NUDT3: variants seen among roughly 807,000 people sequenced by gnomAD.
NUDT3 encodes nudix hydrolase 3.
A neutral mutation model predicts 23.6 loss-of-function variants in NUDT3; 9 were observed. The ratio of observed to expected loss-of-function variants is 0.38; its 90% CI spans 0.23 to 0.66. The LOEUF is 0.66. NUDT3 is among the 30% of genes least tolerant of loss of function. The pLI, the probability that NUDT3 is intolerant of heterozygous loss-of-function variation, is 0.52. For missense variants in NUDT3, 172 were observed against 218.5 expected (o/e 0.79, Z 1.34); for synonymous variants, 86 against 82.6 (o/e 1.04, Z -0.22).
intron 1 of NUDT3, among the ~76,000 whole-genome samples, chr6:34,365,918 G>A (rs575405876): frequency 4.5e-4 from 69 of 152,250 alleles, no homozygotes; most frequent in South Asian, 1.2e-3. Context: ...GCGCAAGCCT[G>A]TAATCCCAGC....
At chr6:34,318,104 T>C (rs1445354757) in intron 2 of NUDT3, among the ~76,000 whole-genome samples, 1 of 152,218 alleles carries the variant, frequency 6.6e-6, no homozygotes, top group Non-Finnish European at 1.5e-5. Flanking sequence ...TGCTTTCATT[T>C]CCTTGTACCC....
chr6:34,334,979 AAG>A (rs907927112), intron 2 of NUDT3, among the ~76,000 whole-genome samples: 12 of 151,992 alleles, frequency 7.9e-5, no homozygotes, highest in African/African-American at 2.9e-4. Context: ...GAGAGAAAGA[AAG>A]AGAGAGAAGA....
chr6:34,381,144 G>C (rs1257828639), intron 1 of NUDT3, among the ~76,000 whole-genome samples: 1 of 152,092 alleles, frequency 6.6e-6, no homozygotes, highest in East Asian at 1.9e-4. Flanking sequence ...AGCCTCCCAA[G>C]TAGCTAGGAC....
chr6:34,327,025 C>CG (rs960815951), intron 2 of NUDT3, among the ~76,000 whole-genome samples: 4 of 151,504 alleles, frequency 2.6e-5, no homozygotes, highest in Admixed American at 2.6e-4. Context: ...ACCACCAAGA[C>CG]GCGGAGACCG....
In NUDT3 at chr6:34,297,931, C is replaced by T. The variant is rs906077633; in HGVS notation, c.211-2246G>A. On this transcript the variant is annotated intron_variant, in intron 2 of 4. Transcript: ENST00000607016. ...TTAAGAGGCCATCATTCACCTTTCT[C>T]CTCCACAAAGGAGAAAGTAGTCTCT... 9.9e-5 allele frequency among the ~76,000 whole-genome samples: 15 copies of T among 150,768 alleles called. No individual in the cohort carries two copies. The East Asian group carries it at 2.5e-3, about 25-fold the overall frequency.
rs558712451 is a variant in NUDT3 at position 34,375,693 on chromosome 6, T to A, written c.99+16571A>T. 3.9e-5 allele frequency among the ~76,000 whole-genome samples: 6 copies of A among 152,232 alleles called. No homozygotes were observed. The South Asian group carries it at 8.3e-4, about 21-fold the overall frequency. On this transcript the variant is annotated intron_variant, in intron 1 of 4. Transcript: ENST00000607016. ...TGTCAATATAACTCAGACTCTTGGG[T>A]TTTTTCATTTATCCACCTTCCAATC...
chr6:34,315,821 G>C lies in NUDT3; in HGVS notation c.211-20136C>G, dbSNP rs942540854. ...ACTACCTTAGACTTCTCAAGTTTAA[G>C]GATTTTCTAAGTGATGTCCTCATTC... On this transcript the variant is annotated intron_variant, in intron 2 of 4. Coordinates refer to ENST00000607016, the MANE Select transcript of NUDT3 (RefSeq NM_006703.4). Among the ~76,000 whole-genome samples the C allele has an allele frequency of 2.0e-5, 3 of 152,142 alleles. No homozygotes were observed. In the South Asian group the frequency reaches 6.2e-4, roughly 31 times the overall value.
rs1310584440 is a variant in NUDT3, at chr6:34,392,458, G to A, written c.-96C>T. 1.2e-5 allele frequency: 10 copies of A among 824,458 alleles called. No individual in the cohort carries two copies. Among genetic ancestry groups the A allele is most frequent in the Admixed American group, 2.5e-5 (1 of 40,428 alleles). 51.1% of individuals were successfully genotyped at this position (824,458 alleles called of 1,614,324 possible). A position where few individuals can be genotyped will look rare whatever the true frequency, so the allele number is the denominator to read the frequency against. On this transcript the variant is annotated 5_prime_UTR_variant, in exon 1 of 5. Transcript: ENST00000607016. ...CGCGTGCGCGCGCGCCCCCGGCTCG[G>A]CCAAGGGAAGCAGGGAGGGGGAGCT...
rs957675389 is a variant in NUDT3, at chr6:34,371,003, C to T, written c.99+21261G>A. 2.6e-5 allele frequency among the ~76,000 whole-genome samples: 4 copies of T among 151,838 alleles called. No homozygotes were observed. The South Asian group carries it at 6.2e-4, about 24-fold the overall frequency. ...GCACGTACCTGTAATCCCAGCTACT[C>T]GGGAGGCTAAGGCAGGAGAATCGCT... On this transcript the variant is annotated intron_variant, in intron 1 of 4. Coordinates refer to ENST00000607016, the MANE Select transcript of NUDT3 (RefSeq NM_006703.4).
chr6:34,303,613 G>A (rs1244471660), intron 2 of NUDT3, among the ~76,000 whole-genome samples: 1 of 152,132 alleles, frequency 6.6e-6, no homozygotes, highest in Non-Finnish European at 1.5e-5. Flanking sequence ...TCAGGTTAAG[G>A]AAGTTCCTTT....
At chr6:34,387,022 A>C (rs1432005283) in intron 1 of NUDT3, among the ~76,000 whole-genome samples, 1 of 152,160 alleles carries the variant, frequency 6.6e-6, no homozygotes, top group East Asian at 1.9e-4. Flanking sequence ...AGGTGGGAGG[A>C]TCGCTTAAGC....
chr6:34,373,640 A>G (rs1177766269), intron 1 of NUDT3, among the ~76,000 whole-genome samples: 2 of 152,196 alleles, frequency 1.3e-5, no homozygotes, highest in African/African-American at 2.4e-5. Flanking sequence ...ATGGCATTCA[A>G]AATGTGCCAA....
intron 1 of NUDT3, among the ~76,000 whole-genome samples, chr6:34,349,887 G>T (rs969488714): frequency 6.6e-6 from 1 of 150,394 alleles, no homozygotes; most frequent in African/African-American, 2.5e-5. Context: ...TCAGGAGATC[G>T]AGACCATCCT....
chr6:34,307,316 T>C (rs1763697159), intron 2 of NUDT3, among the ~76,000 whole-genome samples: 1 of 152,170 alleles, frequency 6.6e-6, no homozygotes, highest in South Asian at 2.1e-4. Context: ...TGGTGGCTCA[T>C]GCCTGCAATG....
intron 1 of NUDT3, among the ~76,000 whole-genome samples, chr6:34,360,938 T>C (rs1027181378): frequency 6.6e-6 from 1 of 152,096 alleles, no homozygotes; most frequent in African/African-American, 2.4e-5. Flanking sequence ...TATATACATA[T>C]GGGGCCAGGA....
rs1763336551 is a variant in NUDT3, at chr6:34,286,567, A to C, written c.*2186T>G. ...TAGAATGCTCTAGGTCAGGAAAAGA[A>C]ACAGTGTGTTCGTTTTTAAGAAGGA... On this transcript the variant is annotated 3_prime_UTR_variant, in exon 5 of 5. Transcript: ENST00000607016. 6.6e-6 allele frequency: 1 copy of C among 152,148 alleles called. No individual in the cohort carries two copies. Among genetic ancestry groups the C allele is most frequent in the Non-Finnish European group, 1.5e-5 (1 of 68,032 alleles). The allele number at this position is 152,148 out of a possible 1,614,324, so 9.4% of individuals were successfully genotyped here. A position where few individuals can be genotyped will look rare whatever the true frequency, so the allele number is the denominator to read the frequency against.
intron 2 of NUDT3, among the ~76,000 whole-genome samples, chr6:34,299,721 C>CA (rs1763569438): frequency 1.3e-5 from 2 of 150,716 alleles, no homozygotes; most frequent in Admixed American, 1.3e-4. Flanking sequence ...GCCTGGCCAA[C>CA]ACGGCAAAAC....
chr6:34,376,141 A>G (rs1764918925), intron 1 of NUDT3, among the ~76,000 whole-genome samples: 1 of 152,180 alleles, frequency 6.6e-6, no homozygotes, highest in African/African-American at 2.4e-5. Flanking sequence ...TGACAAAACC[A>G]AAGTTCCATC....
rs1304345050 is a variant in NUDT3 at position 34,282,528 on chromosome 6, C to G, written c.*6225G>C. The G allele has an allele frequency of 6.6e-6, 1 of 152,120 alleles. No homozygotes were observed. The highest frequency in any genetic ancestry group is 2.4e-5 in the African/African-American group (1 of 41,434). The allele number at this position is 152,120 out of a possible 1,614,324, so 9.4% of individuals were successfully genotyped here. A position where few individuals can be genotyped will look rare whatever the true frequency, so the allele number is the denominator to read the frequency against. ...GGCTGGAAGCTCAAGTCTAGGAGAG[C>G]TATTTTACTGCACTGTTGAGATGTT... On this transcript the variant is annotated 3_prime_UTR_variant, in exon 5 of 5. Coordinates refer to ENST00000607016, the MANE Select transcript of NUDT3 (RefSeq NM_006703.4).
Sources: gnomAD v4.1 joint callset for allele counts (sites outside exome capture counted in the v4.1 genomes callset) on GRCh38, gnomAD v4.1.1 for gene constraint, MANE v1.5 for transcripts, NCBI Gene and HGNC (gene_info 2026-07-23, HGNC 2026-07-21) for gene names.